Variants in ROBO2 observed in about 807,000 individuals in gnomAD.
The protein encoded by ROBO2 is roundabout homolog 2.
In ROBO2, 53 loss-of-function variants were observed where a neutral mutation model predicts 160.8. The observed-to-expected ratio is 0.33, with a 90% CI of 0.26 to 0.41. The LOEUF is 0.41. ROBO2 is among the 10% of genes least tolerant of loss of function. ROBO2 has a pLI of 1.00. For synonymous variants in ROBO2, 664 were observed against 611.7 expected (o/e 1.09, Z -1.26); for missense variants, 1,577 against 1,722.4 (o/e 0.92, Z 1.49).
intron 2 of ROBO2, among the ~76,000 whole-genome samples, chr3:77,150,554 T>G (rs1368273933): frequency 6.6e-6 from 1 of 152,150 alleles, no homozygotes; most frequent in East Asian, 1.9e-4. Context: ...AAATAAATGT[T>G]GAGTAAAATG....
At chr3:76,119,136 G>T (rs1461564741) in intron 2 of ROBO2, among the ~76,000 whole-genome samples, 3 of 152,112 alleles carry the variant, frequency 2.0e-5, no homozygotes, top group East Asian at 1.9e-4. Context: ...GTGTTAAATT[G>T]CTTATGTAAA....
At chr3:76,394,258 C>G (rs1008039376) in intron 2 of ROBO2, among the ~76,000 whole-genome samples, 1 of 152,124 alleles carries the variant, frequency 6.6e-6, no homozygotes, top group African/African-American at 2.4e-5. Flanking sequence ...TTTGCAGTGG[C>G]TGGTACCAGT....
chr3:76,360,632 A>C (rs191474203), intron 2 of ROBO2, among the ~76,000 whole-genome samples: 170 of 152,220 alleles, frequency 1.1e-3, no homozygotes, highest in Non-Finnish European at 2.1e-3. Flanking sequence ...CCAGTTTAGC[A>C]TTGTACTCAA....
intron 2 of ROBO2, among the ~76,000 whole-genome samples, chr3:76,234,860 A>C (rs958477719): frequency 6.6e-6 from 1 of 152,292 alleles, no homozygotes; most frequent in South Asian, 2.1e-4. Flanking sequence ...TTTTGGAAGA[A>C]GAAAACTCAT....
chr3:76,820,743 C>T (rs574824299), intron 2 of ROBO2, among the ~76,000 whole-genome samples: 2 of 151,984 alleles, frequency 1.3e-5, no homozygotes, highest in African/African-American at 4.8e-5. Context: ...TATGCAGTTA[C>T]TGTTTACAAT....
chr3:75,914,036 C>T (rs1340942883), intron 1 of ROBO2, among the ~76,000 whole-genome samples: 2 of 152,042 alleles, frequency 1.3e-5, no homozygotes, highest in African/African-American at 2.4e-5. Flanking sequence ...CCATTGTTGC[C>T]AGAGAGAACT....
At chr3:76,842,869 A>G (rs1215526867) in intron 2 of ROBO2, among the ~76,000 whole-genome samples, 2 of 152,132 alleles carry the variant, frequency 1.3e-5, no homozygotes, top group African/African-American at 4.8e-5. Context: ...CCAGCTTGAC[A>G]TGAATGAGTT....
chr3:76,619,063 G>A (rs1487245155), intron 2 of ROBO2, among the ~76,000 whole-genome samples: 3 of 150,470 alleles, frequency 2.0e-5, no homozygotes, highest in Admixed American at 6.6e-5. Flanking sequence ...AAAATAGGCC[G>A]GGCGCGGTGG....
At chr3:76,190,568 G>A (rs1402445581) in intron 2 of ROBO2, among the ~76,000 whole-genome samples, 1 of 152,010 alleles carries the variant, frequency 6.6e-6, no homozygotes, top group Non-Finnish European at 1.5e-5. Flanking sequence ...TAAAAGCTTA[G>A]ACATATAACT....
At chr3:76,518,748 A>G (rs1474932681) in intron 2 of ROBO2, among the ~76,000 whole-genome samples, 1 of 152,204 alleles carries the variant, frequency 6.6e-6, no homozygotes, top group Non-Finnish European at 1.5e-5. Context: ...GAATTTAAAA[A>G]GATCCAATTC....
exon 7 of ROBO2, chr3:77,546,358 C>G: frequency 6.2e-7 from 1 of 1,613,018 alleles, no homozygotes; most frequent in South Asian, 1.1e-5. Context: ...GTTTGTGGTT[C>G]GGCCAAGAGA....
chr3:76,603,352 ATATATATATATATATATAT>A (rs1241690589), intron 2 of ROBO2, among the ~76,000 whole-genome samples: 2 of 32,188 alleles, frequency 6.2e-5, no homozygotes, highest in African/African-American at 3.6e-4. Flanking sequence ...AAAAAAAAAA[ATATATATATATATATATAT>A]ATATATATAT....
chr3:77,344,300 T>C (rs1374326868), intron 2 of ROBO2, among the ~76,000 whole-genome samples: 1 of 152,128 alleles, frequency 6.6e-6, no homozygotes, highest in East Asian at 1.9e-4. Flanking sequence ...AACCTTACTT[T>C]AAAATATGCA....
intron 17 of ROBO2, among the ~76,000 whole-genome samples, chr3:77,590,317 G>A (rs2094149657): frequency 6.6e-6 from 1 of 152,046 alleles, no homozygotes; most frequent in Admixed American, 6.6e-5. Flanking sequence ...CTCATAATTT[G>A]TCACCCAAGT....
At chr3:76,831,893 T>A (rs948348098) in intron 2 of ROBO2, among the ~76,000 whole-genome samples, 8 of 152,194 alleles carry the variant, frequency 5.3e-5, no homozygotes, top group African/African-American at 1.9e-4. Context: ...GGGGAAGATA[T>A]GTCCTGACTG....
At position 77,457,974 on chromosome 3, in the gene ROBO2, A is replaced by G. The variant is rs780305601; in HGVS notation, c.389-19440A>G. 2.0e-5 allele frequency among the ~76,000 whole-genome samples: 3 copies of G among 152,204 alleles called. No individual in the cohort carries two copies. The South Asian group carries it at 6.2e-4, about 31-fold the overall frequency. ...TATAAGAGACTATATATAACTTTAAATATCTCTATTTGATTATGCAAAACC... is the reference window on the plus strand; with the variant it reads ...TATAAGAGACTATATATAACTTTAAGTATCTCTATTTGATTATGCAAAACC... On this transcript the variant is annotated intron_variant, in intron 2 of 25. Coordinates refer to ENST00000461745, the Ensembl canonical transcript of ROBO2.
intron 2 of ROBO2, among the ~76,000 whole-genome samples, chr3:76,681,565 A>T (rs137924671): frequency 6.6e-6 from 1 of 152,298 alleles, no homozygotes; most frequent in African/African-American, 2.4e-5. Flanking sequence ...CCTCCAGAGT[A>T]AGCATTTAAA....
At chr3:76,740,938 T>C (rs267139) in intron 2 of ROBO2, among the ~76,000 whole-genome samples, 26,584 of 152,094 alleles carry the variant, frequency 0.17, 2,568 homozygotes, top group Non-Finnish European at 0.22. Flanking sequence ...TTTACTTGCC[T>C]TATCTTATCC....
rs118140484 is a variant in ROBO2, at chr3:76,106,136, G to A, written c.109+168534G>A. Among the ~76,000 whole-genome samples the A allele has an allele frequency of 1.7e-4, 26 of 152,164 alleles. No homozygotes were observed. In the East Asian group the frequency reaches 4.5e-3, roughly 26 times the overall value. Reference sequence around the variant, plus strand: ...TGGGCCCTGTTTGACTGGTAGAGACGATATTCTTTTACATAGAGTTGGAAA... The same window carrying A: ...TGGGCCCTGTTTGACTGGTAGAGACAATATTCTTTTACATAGAGTTGGAAA... On this transcript the variant is annotated intron_variant, in intron 2 of 26. Coordinates refer to the ROBO2 transcript ENST00000487694.
Sources: gnomAD v4.1 joint callset for allele counts (sites outside exome capture counted in the v4.1 genomes callset) on GRCh38, gnomAD v4.1.1 for gene constraint, MANE v1.5 for transcripts, NCBI Gene and HGNC (gene_info 2026-07-23, HGNC 2026-07-21) for gene names.